Variants in HNMT observed in about 807,000 individuals in gnomAD.
The protein encoded by HNMT is histamine N-methyltransferase.
In HNMT, 30 loss-of-function variants were observed where a neutral mutation model predicts 32.1. The ratio of observed to expected loss-of-function variants is 0.93; its 90% confidence interval spans 0.70 to 1.27. The LOEUF (loss-of-function observed/expected upper bound fraction) is 1.27, where lower values mean the gene tolerates loss of function less well. Ranked by LOEUF, HNMT falls within the 50% of genes most tolerant of loss-of-function variation. The pLI, the probability that HNMT is intolerant of heterozygous loss-of-function variation, is 0.00. For synonymous variants in HNMT, 125 were observed against 119.0 expected, an observed-to-expected ratio of 1.05 and a Z score of -0.33; for missense variants, 327 against 346.0, an observed-to-expected ratio of 0.95 and a Z score of 0.43.
intron 2 of HNMT, among the ~76,000 whole-genome samples, chr2:137,971,961 T>C (rs562140149): frequency 6.6e-6 from 1 of 152,346 alleles, no homozygotes; most frequent in South Asian, 2.1e-4. Flanking sequence ...TTGTCACTTG[T>C]AACTTAATGC....
chr2:137,995,132 C>A (rs1680950065), intron 2 of HNMT, among the ~76,000 whole-genome samples: 1 of 151,530 alleles, frequency 6.6e-6, no homozygotes, highest in South Asian at 2.1e-4. Flanking sequence ...CAAATGAATC[C>A]AAAAGCTGGC....
At chr2:138,002,323 C>A in intron 4 of HNMT, 129 bp downstream of exon 4, 1 of 1,106,124 alleles carries the variant, frequency 9.0e-7, no homozygotes, top group Non-Finnish European at 1.2e-6. Context: ...TACAAGTGAC[C>A]ATGATCTGCC....
intron 2 of HNMT, among the ~76,000 whole-genome samples, chr2:137,997,049 A>G (rs1160787834): frequency 6.6e-6 from 1 of 152,240 alleles, no homozygotes; most frequent in African/African-American, 2.4e-5. Context: ...CTTAAATGTA[A>G]AACCCAAAAC....
chr2:137,998,198 T>C (rs976644477), intron 2 of HNMT, among the ~76,000 whole-genome samples: 15 of 152,198 alleles, frequency 9.9e-5, no homozygotes, highest in Non-Finnish European at 1.8e-4. Context: ...TATTATTTAT[T>C]GTCCAATGTA....
At chr2:137,989,518 A>G (rs1412258010) in intron 2 of HNMT, among the ~76,000 whole-genome samples, 1 of 152,188 alleles carries the variant, frequency 6.6e-6, no homozygotes, top group Non-Finnish European at 1.5e-5. Context: ...CATCTTGGTT[A>G]CTTCCAAGCT....
chr2:138,001,613 G>T (rs373933467), intron 3 of HNMT, among the ~76,000 whole-genome samples: 2 of 151,946 alleles, frequency 1.3e-5, no homozygotes, highest in Non-Finnish European at 2.9e-5. Context: ...ATATAATGAC[G>T]TGAAACATGA....
intron 2 of HNMT, among the ~76,000 whole-genome samples, chr2:137,982,015 A>G (rs1680517819): frequency 6.6e-6 from 1 of 152,064 alleles, no homozygotes; most frequent in Non-Finnish European, 1.5e-5. Flanking sequence ...CACCACGCCC[A>G]GATAATTTTT....
At chr2:138,009,078 G>A (rs1369289610) in intron 5 of HNMT, among the ~76,000 whole-genome samples, 5 of 151,878 alleles carry the variant, frequency 3.3e-5, no homozygotes, top group South Asian at 2.1e-4. Context: ...CCATTAAAAC[G>A]TGGGCAAAGG....
intron 5 of HNMT, among the ~76,000 whole-genome samples, chr2:138,005,927 GAT>G (rs4646328): frequency 0.23 from 35,246 of 151,800 alleles, 4,302 homozygotes; most frequent in South Asian, 0.3. Flanking sequence ...GTTGATTTTA[GAT>G]ACACAGCAGA....
intron 5 of HNMT, among the ~76,000 whole-genome samples, chr2:138,012,311 A>T (rs1664792497): frequency 6.6e-6 from 1 of 152,146 alleles, no homozygotes; most frequent in Non-Finnish European, 1.5e-5. Flanking sequence ...TCATTCATAA[A>T]GCATCAGAAG....
rs952137489 is a variant in HNMT at position 138,014,408 on chromosome 2, A to G, written c.*278A>G. On this transcript the variant is annotated 3_prime_UTR_variant, in exon 6 of 6. Coordinates refer to ENST00000280097, the MANE Select transcript of HNMT (RefSeq NM_006895.3). ...ATGACTGAATTTCTATGGCATATTG[A>G]TAATAAAATTCATTCCATTTGCTGA... 9 of 294,074 alleles carry G rather than the reference A, an allele frequency of 3.1e-5. No individual in the cohort carries two copies. Among genetic ancestry groups the G allele is most frequent in the Non-Finnish European group, 4.4e-5 (7 of 158,032 alleles). 18.2% of individuals were successfully genotyped at this position (294,074 alleles called of 1,614,324 possible). A position where few individuals can be genotyped will look rare whatever the true frequency, so the allele number is the denominator to read the frequency against.
chr2:137,970,266 C>T, intron 2 of HNMT, 49 bp downstream of exon 2: 4 of 1,036,430 alleles, frequency 3.9e-6, no homozygotes, highest in Non-Finnish European at 5.7e-6. Context: ...AACCATTATG[C>T]TGTGTGATGA....
intron 5 of HNMT, among the ~76,000 whole-genome samples, chr2:138,008,414 T>C (rs3100718): frequency 0.019 from 2,912 of 152,158 alleles, 95 homozygotes; most frequent in African/African-American, 0.066. Context: ...GTTGATTCCA[T>C]GTCTTTGCTA....
intron 2 of HNMT, among the ~76,000 whole-genome samples, chr2:137,979,324 G>T (rs953677567): frequency 2.7e-4 from 41 of 151,714 alleles, no homozygotes; most frequent in African/African-American, 9.9e-4. Flanking sequence ...AGGCTGGAGT[G>T]CAGTGGTGTG....
intron 2 of HNMT, among the ~76,000 whole-genome samples, chr2:137,993,294 C>A (rs1033649072): frequency 2.6e-5 from 4 of 152,060 alleles, no homozygotes; most frequent in African/African-American, 9.7e-5. Flanking sequence ...TGCAAAGAAG[C>A]TAAGAACCTT....
intron 2 of HNMT, among the ~76,000 whole-genome samples, chr2:137,974,806 A>AC (rs1680239622): frequency 6.6e-6 from 1 of 152,160 alleles, no homozygotes; most frequent in Non-Finnish European, 1.5e-5. Context: ...AAATTTTTTA[A>AC]CCCACTCAAG....
rs993581442 is a variant in HNMT at position 137,992,950 on chromosome 2, G to A, written c.191-7968G>A. ...AAACTGCAGCAGCCCTACAGAAGAG[G>A]GACCTAACCATTGAAAGAAAAAAAA... On this transcript the variant is annotated intron_variant, in intron 2 of 5. Transcript: ENST00000280097. 3.3e-5 allele frequency among the ~76,000 whole-genome samples: 5 copies of A among 151,964 alleles called. No homozygotes were observed. The East Asian group carries it at 5.8e-4, about 18-fold the overall frequency.
At chr2:137,979,415 C>G (rs999471594) in intron 2 of HNMT, among the ~76,000 whole-genome samples, 3 of 151,934 alleles carry the variant, frequency 2.0e-5, no homozygotes, top group East Asian at 1.9e-4. Context: ...GGACTACAGG[C>G]GCCCATCACC....
chr2:138,010,932 G>C (rs1215702763), intron 5 of HNMT, among the ~76,000 whole-genome samples: 1 of 152,064 alleles, frequency 6.6e-6, no homozygotes, highest in Non-Finnish European at 1.5e-5. Flanking sequence ...GCCAGAAGGA[G>C]ATCACTGAAG....
Sources: allele counts gnomAD v4.1 joint callset (sites outside exome capture counted in the v4.1 genomes callset), GRCh38; gene constraint gnomAD v4.1.1; transcripts MANE v1.5; gene names NCBI Gene and HGNC (gene_info 2026-07-23, HGNC 2026-07-21).